Variants in CNTNAP2 observed in about 807,000 individuals in gnomAD.
CNTNAP2 encodes the protein contactin-associated protein-like 2.
CNTNAP2 carries 98 observed loss-of-function variants against 155.2 expected under a neutral mutation model. That is an observed-to-expected ratio of 0.63 (90% CI 0.54 to 0.75). CNTNAP2 has a LOEUF of 0.75. Ranked by LOEUF, CNTNAP2 falls within the 30% of genes least tolerant of loss-of-function variation. The probability of loss-of-function intolerance (pLI) is 0.00; values close to 1 mark genes in which losing one functional copy is unlikely to be tolerated. For missense variants in CNTNAP2, 1,727 were observed against 1,688.1 expected (o/e 1.02, Z -0.40); for synonymous variants, 651 against 631.2 (o/e 1.03, Z -0.47).
At chr7:147,560,225 T>C (rs1172691267) in intron 11 of CNTNAP2, among the ~76,000 whole-genome samples, 4 of 149,770 alleles carry the variant, frequency 2.7e-5, no homozygotes, top group African/African-American at 7.4e-5. Flanking sequence ...TTCTTTGTCA[T>C]ATTGCTTTAG....
At chr7:148,250,666 G>A (rs1305772969) in intron 20 of CNTNAP2, among the ~76,000 whole-genome samples, 1 of 152,178 alleles carries the variant, frequency 6.6e-6, no homozygotes, top group African/African-American at 2.4e-5. Flanking sequence ...GTTGGGTTCA[G>A]CTAGCAGAAC....
At chr7:146,835,614 TA>T (rs1259576954) in intron 2 of CNTNAP2, among the ~76,000 whole-genome samples, 1 of 151,970 alleles carries the variant, frequency 6.6e-6, no homozygotes, top group African/African-American at 2.4e-5. Context: ...AAATAACATA[TA>T]AAAAACACAC....
At chr7:146,932,170 C>T (rs999859853) in intron 3 of CNTNAP2, among the ~76,000 whole-genome samples, 5 of 152,150 alleles carry the variant, frequency 3.3e-5, no homozygotes, top group East Asian at 1.9e-4. Flanking sequence ...TTGATGAACA[C>T]TGATGCAAAA....
At chr7:148,186,387 T>C (rs376389702) in intron 18 of CNTNAP2, among the ~76,000 whole-genome samples, 1 of 152,192 alleles carries the variant, frequency 6.6e-6, no homozygotes, top group South Asian at 2.1e-4. Context: ...TGCTAGTAAA[T>C]GGCAGATTGA....
intron 8 of CNTNAP2, among the ~76,000 whole-genome samples, chr7:147,217,594 G>A (rs1288993942): frequency 6.6e-6 from 1 of 151,858 alleles, no homozygotes; most frequent in Non-Finnish European, 1.5e-5. Flanking sequence ...ATTTATAGGA[G>A]GTATTGGTCA....
chr7:146,469,181 C>T (rs897522759), intron 1 of CNTNAP2, among the ~76,000 whole-genome samples: 6 of 152,148 alleles, frequency 3.9e-5, no homozygotes, highest in East Asian at 1.9e-4. Context: ...CCTGTCGCCC[C>T]CTTTGGGGTT....
intron 3 of CNTNAP2, among the ~76,000 whole-genome samples, chr7:147,003,447 T>A (rs1036938864): frequency 1.3e-5 from 2 of 151,970 alleles, no homozygotes; most frequent in East Asian, 3.9e-4. Context: ...AAAGTTATAT[T>A]AATACAAATA....
rs150201491 is a variant in CNTNAP2 at position 146,588,074 on chromosome 7, C to A, written c.98-186197C>A. Among the ~76,000 whole-genome samples, 22 of 151,442 alleles carry A rather than the reference C, an allele frequency of 1.5e-4. No homozygotes were observed. In the East Asian group the frequency reaches 4.1e-3, roughly 28 times the overall value. ...TAGAAAATAGATGCTTTACATTAAG[C>A]CTGCTATGGATTCACGTTGCCATAT... On this transcript the variant is annotated intron_variant, in intron 1 of 23. Coordinates refer to ENST00000361727, the MANE Select transcript of CNTNAP2 (RefSeq NM_014141.6).
intron 1 of CNTNAP2, among the ~76,000 whole-genome samples, chr7:146,721,205 CTG>C (rs1316347341): frequency 2.3e-5 from 3 of 131,890 alleles, no homozygotes; most frequent in African/African-American, 8.5e-5. Flanking sequence ...TATATATTCT[CTG>C]TATATATTCT....
intron 1 of CNTNAP2, among the ~76,000 whole-genome samples, chr7:146,241,926 G>A (rs1259652713): frequency 6.6e-6 from 1 of 151,898 alleles, no homozygotes; most frequent in African/African-American, 2.4e-5. Context: ...GGGAAAATAT[G>A]GTTAAGTTTG....
intron 4 of CNTNAP2, among the ~76,000 whole-genome samples, chr7:147,051,665 C>G (rs984538206): frequency 6.6e-6 from 1 of 151,970 alleles, no homozygotes; most frequent in Non-Finnish European, 1.5e-5. Flanking sequence ...TTTTAGTTAG[C>G]AACATAAGTC....
chr7:146,489,206 T>C (rs538197293), intron 1 of CNTNAP2, among the ~76,000 whole-genome samples: 1 of 152,272 alleles, frequency 6.6e-6, no homozygotes, highest in South Asian at 2.1e-4. Context: ...TGTACAAATA[T>C]AATGTATCAA....
At chr7:146,970,057 A>T (rs1797750234) in intron 3 of CNTNAP2, among the ~76,000 whole-genome samples, 2 of 152,338 alleles carry the variant, frequency 1.3e-5, no homozygotes, top group African/African-American at 4.8e-5. Flanking sequence ...ACAAAAATTA[A>T]TTCAAGATGG....
At chr7:147,391,310 C>G (rs546071132) in intron 9 of CNTNAP2, among the ~76,000 whole-genome samples, 1 of 152,132 alleles carries the variant, frequency 6.6e-6, no homozygotes, top group Non-Finnish European at 1.5e-5. Flanking sequence ...CATGATTCTC[C>G]ATGGCTCTTG....
chr7:147,383,206 A>G (rs1796567399), intron 9 of CNTNAP2, among the ~76,000 whole-genome samples: 1 of 152,124 alleles, frequency 6.6e-6, no homozygotes, highest in Admixed American at 6.5e-5. Context: ...CTGGCTCTGT[A>G]TCCGCCTTAC....
chr7:147,705,659 C>T (rs1332382772), intron 13 of CNTNAP2, among the ~76,000 whole-genome samples: 1 of 152,004 alleles, frequency 6.6e-6, no homozygotes, highest in South Asian at 2.1e-4. Context: ...TGTTGAAGTT[C>T]CCAACTATTA....
intron 1 of CNTNAP2, among the ~76,000 whole-genome samples, chr7:146,693,464 GTGT>G (rs1470563568): frequency 2.0e-5 from 3 of 151,936 alleles, no homozygotes; most frequent in Admixed American, 1.3e-4. Flanking sequence ...TATTGTACAT[GTGT>G]TGTTATTATT....
chr7:148,149,732 A>G (rs765342186), intron 17 of CNTNAP2, among the ~76,000 whole-genome samples: 1 of 151,984 alleles, frequency 6.6e-6, no homozygotes, highest in Non-Finnish European at 1.5e-5. Flanking sequence ...TTGTATTTTT[A>G]GTAGAGAAGG....
At position 146,802,656 on chromosome 7, in the gene CNTNAP2, G is replaced by A. The variant is rs749426415; in HGVS notation, c.208+28275G>A. 2.0e-5 allele frequency among the ~76,000 whole-genome samples: 3 copies of A among 152,024 alleles called. No individual in the cohort carries two copies. The East Asian group carries it at 5.8e-4, about 29-fold the overall frequency. On this transcript the variant is annotated intron_variant, in intron 2 of 23. Transcript: ENST00000361727. ...CACGCATGCCTCACCTTCACCATCC[G>A]CCATGATTGTAAGTTTCCTGAGGCC...
Sources: gnomAD v4.1 joint callset for allele counts (sites outside exome capture counted in the v4.1 genomes callset) on GRCh38, gnomAD v4.1.1 for gene constraint, MANE v1.5 for transcripts, NCBI Gene and HGNC (gene_info 2026-07-23, HGNC 2026-07-21) for gene names.